ARF3: variants seen among roughly 807,000 people sequenced by gnomAD.
ARF3 encodes the protein ARF GTPase 3.
Under a neutral mutation model 19.3 loss-of-function variants are expected in ARF3, and 5 were observed. That is an observed-to-expected ratio of 0.26 (90% confidence interval 0.14 to 0.54). The LOEUF is 0.54. Ranked by LOEUF, ARF3 falls within the 20% of genes least tolerant of loss-of-function variation. The probability of loss-of-function intolerance (pLI) is 0.95; values close to 1 mark genes in which losing one functional copy is unlikely to be tolerated. For synonymous variants in ARF3, 71 were observed against 89.2 expected, an observed-to-expected ratio of 0.80 and a Z score of 1.15; for missense variants, 77 against 234.2, an observed-to-expected ratio of 0.33 and a Z score of 4.38.
At chr12:48,940,798 A>T (rs1403759140) in intron 2 of ARF3, 150 bp downstream of exon 2, 171 of 1,023,916 alleles carry the variant, frequency 1.7e-4, no homozygotes, top group Non-Finnish European at 4.0e-6. Context: ...AGCACCTGGT[A>T]GTAAGCTAAA....
chr12:48,947,343 C>G (rs1414336659), intron 1 of ARF3, among the ~76,000 whole-genome samples: 3 of 147,654 alleles, frequency 2.0e-5, no homozygotes, highest in African/African-American at 7.5e-5. Flanking sequence ...ATCTCGCTCT[C>G]TCGCCCAGGC....
In ARF3 at chr12:48,939,541, G is replaced by A. The variant is rs561279182; in HGVS notation, c.384+114C>T. ...AGAAGCCAAGTGCTCAGTTTCCCAC[G>A]CTTCTAACATTGAGAGCATACTAAA... On this transcript the variant is annotated intron_variant, in intron 4 of 4. Coordinates refer to ENST00000256682, the MANE Select transcript of ARF3 (RefSeq NM_001659.3). This position sits in a 1 kb window ranked among gnomAD's most constrained non-coding sequence, Gnocchi z 4.8. 6.3e-6 allele frequency: 9 copies of A among 1,438,334 alleles called. No individual in the cohort carries two copies. The highest frequency in any genetic ancestry group is 4.6e-5 in the East Asian group (2 of 43,234). The allele number at this position is 1,438,334 out of a possible 1,614,324, so 89.1% of individuals were successfully genotyped here.
rs764383192 is a variant in ARF3 at position 48,940,127 on chromosome 12, A to G, written c.149-20T>C. On this transcript the variant is annotated intron_variant, in intron 2 of 4. Coordinates refer to ENST00000256682, the MANE Select transcript of ARF3 (RefSeq NM_001659.3). ...TGAACCCTTTGGAAAAAAAACAGGC[A>G]ATGGCCACTTGGCCTCAAACACTAG... 4 of 1,604,226 alleles carry G rather than the reference A, an allele frequency of 2.5e-6. No individual in the cohort carries two copies. The highest frequency in any genetic ancestry group is 3.4e-6 in the Non-Finnish European group (4 of 1,171,040).
intron 1 of ARF3, among the ~76,000 whole-genome samples, chr12:48,951,668 T>G (rs1213641417): frequency 2.0e-5 from 3 of 152,014 alleles, no homozygotes; most frequent in Non-Finnish European, 4.4e-5. Context: ...TCACCTGAGA[T>G]CGGGAGTTCG....
Position 48,937,007 on chromosome 12 carries a change from C to CA in ARF3, c.*1939_*1940insT, listed in dbSNP as rs1259373435. 6.6e-6 allele frequency: 1 copy of CA among 152,194 alleles called. No individual in the cohort carries two copies. Among genetic ancestry groups the CA allele is most frequent in the African/African-American group, 2.4e-5 (1 of 41,356 alleles). 9.4% of individuals were successfully genotyped at this position (152,194 alleles called of 1,614,324 possible). On this transcript the variant is annotated 3_prime_UTR_variant, in exon 5 of 5. Transcript: ENST00000256682. The stretch of plus-strand genomic sequence containing the variant: ...ACCTCCAACACCCCCCCCACAACCA[C>CA]CACACACAAACACACCCACACCCAT...
At chr12:48,941,858 G>C (rs975938861) in intron 1 of ARF3, among the ~76,000 whole-genome samples, 2 of 152,230 alleles carry the variant, frequency 1.3e-5, no homozygotes, top group Non-Finnish European at 2.9e-5. Flanking sequence ...TGGCAGTAGA[G>C]AGGTGGGGTA....
chr12:48,943,449 G>A (rs999641695), intron 1 of ARF3, among the ~76,000 whole-genome samples: 3 of 152,162 alleles, frequency 2.0e-5, no homozygotes, highest in South Asian at 2.1e-4. Flanking sequence ...CTGGGAACCA[G>A]AGACACACAC....
chr12:48,947,967 A>G (rs1411873379), intron 1 of ARF3, among the ~76,000 whole-genome samples: 1 of 99,118 alleles, frequency 1.0e-5, no homozygotes, highest in Non-Finnish European at 2.3e-5. Flanking sequence ...GCACTTTGGG[A>G]GGCTGATGCA....
At chr12:48,940,438 G>A (rs1401384449) in intron 2 of ARF3, among the ~76,000 whole-genome samples, 2 of 152,194 alleles carry the variant, frequency 1.3e-5, no homozygotes, top group African/African-American at 4.8e-5. Context: ...TTGGCTACCA[G>A]AGTCGGCCTC....
intron 1 of ARF3, among the ~76,000 whole-genome samples, chr12:48,945,140 TAAA>T (rs36072910): frequency 0.34 from 31,030 of 92,122 alleles, 5,402 homozygotes; most frequent in Admixed American, 0.47. Flanking sequence ...GACTCTGTCT[TAAA>T]AAAAAAAAAA....
chr12:48,953,050 T>G (rs966886182), intron 1 of ARF3: 1 of 152,250 alleles, frequency 6.6e-6, no homozygotes, highest in Non-Finnish European at 1.5e-5. Flanking sequence ...GTGAGCTCTT[T>G]GCCAGCACAG....
intron 1 of ARF3, chr12:48,956,192 A>G (rs968704443): frequency 6.6e-6 from 1 of 152,282 alleles, no homozygotes; most frequent in East Asian, 1.9e-4. Context: ...TCTCCTCCCA[A>G]TAAAACTTTC....
chr12:48,951,751 C>T (rs764038829), intron 1 of ARF3, among the ~76,000 whole-genome samples: 3 of 151,688 alleles, frequency 2.0e-5, no homozygotes, highest in East Asian at 1.9e-4. Flanking sequence ...TGGTGGCGCA[C>T]GCCTGTAATC....
At chr12:48,951,742 G>A (rs908813115) in intron 1 of ARF3, among the ~76,000 whole-genome samples, 5 of 151,936 alleles carry the variant, frequency 3.3e-5, no homozygotes, top group African/African-American at 1.2e-4. Context: ...AGCCAGGCGT[G>A]GTGGCGCACG....
intron 1 of ARF3, among the ~76,000 whole-genome samples, chr12:48,944,415 C>G (rs1940319643): frequency 6.6e-6 from 1 of 152,242 alleles, no homozygotes; most frequent in Admixed American, 6.5e-5. Flanking sequence ...CATGCCACAT[C>G]AAGGCCTTAC....
At chr12:48,948,697 G>A (rs1940405586) in intron 1 of ARF3, among the ~76,000 whole-genome samples, 1 of 152,106 alleles carries the variant, frequency 6.6e-6, no homozygotes, top group African/African-American at 2.4e-5. Context: ...TGCAATCCCA[G>A]CTACTCAGGG....
Position 48,938,509 on chromosome 12 carries a change from C to A in ARF3, c.*438G>T. On this transcript the variant is annotated 3_prime_UTR_variant, in exon 5 of 5. Coordinates refer to ENST00000256682, the MANE Select transcript of ARF3 (RefSeq NM_001659.3). The stretch of plus-strand genomic sequence containing the variant: ...ACATGCACGCAAACACAGAGAGGCC[C>A]GTGCAATTTCCATGTAAAACAGGGA... The A allele has an allele frequency of 2.2e-6, 1 of 451,694 alleles. No individual in the cohort carries two copies. Among genetic ancestry groups the A allele is most frequent in the Non-Finnish European group, 4.5e-6 (1 of 223,858 alleles). The allele number at this position is 451,694 out of a possible 1,614,324, so 28.0% of individuals were successfully genotyped here.
At chr12:48,941,245 A>T (rs919345828) in intron 1 of ARF3, 57 bp from the exon 2 acceptor site, 2 of 959,408 alleles carry the variant, frequency 2.1e-6, no homozygotes, top group African/African-American at 3.3e-5. Context: ...CTTCCAAGTA[A>T]ATAGAATTTC....
chr12:48,955,717 G>T (rs1339674431), intron 1 of ARF3: 3 of 152,238 alleles, frequency 2.0e-5, no homozygotes, highest in Non-Finnish European at 4.4e-5. Flanking sequence ...CATTGTGGAA[G>T]AGGAGACGAA....
Sources: gnomAD v4.1 joint callset for allele counts (sites outside exome capture counted in the v4.1 genomes callset) on GRCh38, gnomAD v4.1.1 for gene constraint, Gnocchi (gnomAD v3.1) non-coding constraint, MANE v1.5 for transcripts, NCBI Gene and HGNC (gene_info 2026-07-23, HGNC 2026-07-21) for gene names.